The following TM6SF1 variants were observed in gnomAD, a reference collection of about 807,000 sequenced individuals.
TM6SF1 encodes transmembrane 6 superfamily member 1.
In TM6SF1, 43 loss-of-function variants were observed where a neutral mutation model predicts 47.1. The observed-to-expected ratio is 0.91, with a 90% CI of 0.72 to 1.18. TM6SF1 has a LOEUF of 1.18. TM6SF1 is among the 50% of genes most tolerant of loss of function. The probability of loss-of-function intolerance (pLI) is 0.00; values close to 1 mark genes in which losing one functional copy is unlikely to be tolerated. For missense variants in TM6SF1, 390 were observed against 449.0 expected (o/e 0.87, Z 1.19); for synonymous variants, 177 against 166.3 (o/e 1.06, Z -0.49).
At position 83,122,766 on chromosome 15, in the gene TM6SF1, G is replaced by A; in HGVS notation, c.491G>A (p.Gly164Glu). The A allele has an allele frequency of 6.2e-7, 1 of 1,613,792 alleles. No homozygotes were observed. The highest frequency in any genetic ancestry group is 8.5e-7 in the Non-Finnish European group (1 of 1,179,946). Residue 164 changes from glycine (G) to glutamate (E), a missense_variant, in exon 6 of 10, where the codon GGA (glycine) becomes GAA (glutamate). Physicochemically the swap from Gly to Glu is moderately conservative, Grantham distance 98. Coordinates refer to ENST00000322019, the MANE Select transcript of TM6SF1 (RefSeq NM_023003.5). ...FVPGNIVGKY[G>E]TRICPAFFLS... ...TCTCTCTTTTAAATAGGGAAGTATG[G>A]AACACGAATTTGCCCTGCTTTTTTC...
intron 1 of TM6SF1, among the ~76,000 whole-genome samples, chr15:83,111,285 C>T (rs985746753): frequency 6.6e-6 from 1 of 152,002 alleles, no homozygotes; most frequent in Admixed American, 6.6e-5. Context: ...ATCCATCATC[C>T]TCCATCATCC....
chr15:83,127,294 A>T, intron 8 of TM6SF1, 64 bp from the exon 9 acceptor site: 1 of 1,467,672 alleles, frequency 6.8e-7, no homozygotes, highest in Admixed American at 2.5e-5. Flanking sequence ...ACTTTTTTGT[A>T]CTTTTTAGTC....
chr15:83,115,122 CT>C (rs913490363), intron 2 of TM6SF1: 361 of 146,162 alleles, frequency 2.5e-3, no homozygotes, highest in Non-Finnish European at 3.1e-3. Context: ...AAGTCATTGT[CT>C]TTTTTTTTTT....
rs760311621 is a variant in TM6SF1, at chr15:83,126,774, C to A, written c.728C>A (p.Ser243Tyr). 12 of 1,613,370 alleles carry A rather than the reference C, an allele frequency of 7.4e-6. No homozygotes were observed. The highest frequency in any genetic ancestry group is 1.1e-5 in the South Asian group (1 of 90,968). ...FRGLIALDCP[S>Y]ELCRLYTQFQ... Reference sequence around the variant, plus strand: ...CCTTAGATTGCTTTGGATTGCCCATCTGAGCTCTGCCGATTATATACGCAA... The same window carrying A: ...CCTTAGATTGCTTTGGATTGCCCATATGAGCTCTGCCGATTATATACGCAA... The change falls in exon 8 of 10, where the codon TCT becomes TAT. Residue 243 changes from serine to tyrosine, a missense_variant. Ser to Tyr is a moderately radical substitution (Grantham distance 144, BLOSUM62 -2). Transcript: ENST00000322019.
chr15:83,107,756 C>T lies in TM6SF1; in HGVS notation c.76C>T (p.Leu26=). ...AIPVTYVFNH[L]AAQHDSWTIV... is the part of the protein sequence containing the mutation. ...CCCGGTCACCTATGTCTTCAACCAC[C>T]TGGCGGCCCAGCATGAGTGAGTGAG... is the stretch of plus-strand genomic sequence containing the variant. The change falls in exon 1 of 10, where the codon CTG becomes TTG. Residue 26 remains leucine, a synonymous_variant. Transcript: ENST00000322019. This position sits in a 1 kb window ranked among gnomAD's most constrained non-coding sequence, Gnocchi z 5.6. The T allele has an allele frequency of 1.3e-6, 2 of 1,583,286 alleles. No individual in the cohort carries two copies. The highest frequency in any genetic ancestry group is 2.4e-5 in the East Asian group (1 of 41,026).
At chr15:83,121,792 C>G in intron 4 of TM6SF1, 129 bp from the exon 5 acceptor site, 1 of 692,652 alleles carries the variant, frequency 1.4e-6, no homozygotes. Flanking sequence ...ATTTATTCCT[C>G]TCAATTCAAT....
At chr15:83,136,454 T>C in intron 9 of TM6SF1, 27 bp from the exon 10 acceptor site, 1 of 1,557,856 alleles carries the variant, frequency 6.4e-7, no homozygotes, top group Non-Finnish European at 8.6e-7. Context: ...TCATGCTTAC[T>C]CAATTTTTTT....
In TM6SF1 at chr15:83,112,807, A is replaced by G. The variant is rs761410387; in HGVS notation, c.103A>G (p.Ile35Val). The change falls in exon 2 of 10, where the codon ATT becomes GTT. Residue 35 changes from isoleucine to valine, a missense_variant. Coordinates refer to ENST00000322019, the MANE Select transcript of TM6SF1 (RefSeq NM_023003.5). Reference protein sequence around the residue: ...HLAAQHDSWTIVGVAALILFL... With the variant: ...HLAAQHDSWTVVGVAALILFL... ...TTCTGGTCGTTGCAGTTCCTGGACT[A>G]TTGTAGGGGTTGCTGCCCTCATCCT... is the stretch of plus-strand genomic sequence containing the variant. The G allele has an allele frequency of 6.2e-7, 1 of 1,613,832 alleles. No individual in the cohort carries two copies. Among genetic ancestry groups the G allele is most frequent in the South Asian group, 1.1e-5 (1 of 91,076 alleles).
chr15:83,117,584 G>T (rs1017175501), intron 3 of TM6SF1, among the ~76,000 whole-genome samples: 3 of 152,114 alleles, frequency 2.0e-5, no homozygotes, highest in African/African-American at 7.2e-5. Flanking sequence ...TAGGAAGGAG[G>T]CGGCTGACGA....
At chr15:83,110,626 C>T (rs190673310) in intron 1 of TM6SF1, among the ~76,000 whole-genome samples, 4 of 152,320 alleles carry the variant, frequency 2.6e-5, no homozygotes, top group East Asian at 3.9e-4. Context: ...TGACCACCAC[C>T]TGCCTCAGGC....
In TM6SF1 at chr15:83,119,584, C is replaced by A; in HGVS notation, c.301C>A (p.Pro101Thr). 6.2e-7 allele frequency: 1 copy of A among 1,614,044 alleles called. No individual in the cohort carries two copies. The highest frequency in any genetic ancestry group is 8.5e-7 in the Non-Finnish European group (1 of 1,179,956). ...TTTTTAATGCTTTCTTTAGGGTGAACCGTATCTGAACACCGCATATGGGCA... is the reference window on the plus strand; with the variant it reads ...TTTTTAATGCTTTCTTTAGGGTGAAACGTATCTGAACACCGCATATGGGCA... ...FMTHYLREGE[P>T]YLNTAYGHMI... The change falls in exon 4 of 10, where the codon CCG (proline) becomes ACG (threonine). Residue 101 changes from proline (P) to threonine (T), a missense_variant. Pro to Thr is a conservative substitution (Grantham distance 38). Transcript: ENST00000322019.
chr15:83,133,415 C>T (rs1032324936), intron 9 of TM6SF1: 8 of 152,118 alleles, frequency 5.3e-5, no homozygotes, highest in Non-Finnish European at 1.2e-4. Context: ...TGTAAGAAAA[C>T]AGCTCTTAAA....
rs1211479461 is a variant in TM6SF1, at chr15:83,115,956, T to C, written c.294+14T>C. On this transcript the variant is annotated intron_variant, in intron 3 of 9. Transcript: ENST00000322019. ...TACTTGAGAGAGGTATGGGATCACT[T>C]AGTGATTATGAGGTTTCAACCAAAA... The C allele has an allele frequency of 2.6e-5, 41 of 1,598,792 alleles. No homozygotes were observed. The highest frequency in any genetic ancestry group is 3.4e-5 in the Non-Finnish European group (40 of 1,166,082).
In TM6SF1 at chr15:83,115,850, G is replaced by A; in HGVS notation, c.202G>A (p.Ala68Thr). ...PPRDPLFYVY[A>T]VFGFTSVVNL... is the part of the protein sequence containing the mutation. The stretch of plus-strand genomic sequence containing the variant: ...TGCTGCTTTCTTTGCTCTAGTGTAT[G>A]CAGTTTTTGGATTTACCAGCGTGGT... Residue 68 changes from alanine (A) to threonine (T), a missense_variant, in exon 3 of 10, where the codon GCA (alanine) becomes ACA (threonine). Ala to Thr is a moderately conservative substitution (Grantham distance 58). Transcript: ENST00000322019. 1.2e-6 allele frequency: 2 copies of A among 1,612,992 alleles called. No homozygotes were observed. The highest frequency in any genetic ancestry group is 1.1e-5 in the South Asian group (1 of 91,044).
intron 4 of TM6SF1, among the ~76,000 whole-genome samples, chr15:83,121,436 T>C (rs2035234385): frequency 6.6e-6 from 1 of 152,160 alleles, no homozygotes; most frequent in Non-Finnish European, 1.5e-5. Flanking sequence ...AGCAGCTCCT[T>C]TGCAACATGG....
intron 3 of TM6SF1, among the ~76,000 whole-genome samples, chr15:83,117,808 G>A (rs1183284266): frequency 6.6e-6 from 1 of 152,088 alleles, no homozygotes; most frequent in East Asian, 1.9e-4. Context: ...GCCAGGCCTT[G>A]AGAATCTTTA....
In TM6SF1 at chr15:83,127,338, T is replaced by G; in HGVS notation, c.802-20T>G. On this transcript the variant is annotated intron_variant, in intron 8 of 9. Coordinates refer to ENST00000322019, the MANE Select transcript of TM6SF1 (RefSeq NM_023003.5). ...TTAACTGCCAATTTGCTGATGATGT[T>G]ATTTCTCTGTTCAATACAGATGCTG... is the stretch of plus-strand genomic sequence containing the variant. The G allele has an allele frequency of 6.4e-7, 1 of 1,570,976 alleles. No homozygotes were observed. The highest frequency in any genetic ancestry group is 1.2e-5 in the South Asian group (1 of 83,218).
intron 1 of TM6SF1, 84 bp from the exon 2 acceptor site, chr15:83,112,713 G>T: frequency 1.1e-6 from 1 of 935,404 alleles, no homozygotes; most frequent in Non-Finnish European, 1.8e-6. Context: ...AGCACTAGGA[G>T]GGAATGCATT....
In TM6SF1 at chr15:83,122,754, T is replaced by C. The variant is rs770284156; in HGVS notation, c.482-3T>C. 5.6e-6 allele frequency: 9 copies of C among 1,612,918 alleles called. No homozygotes were observed. The highest frequency in any genetic ancestry group is 1.3e-5 in the African/African-American group (1 of 74,872). On this transcript the variant is annotated splice_polypyrimidine_tract_variant and splice_region_variant and intron_variant, in intron 5 of 9. Transcript: ENST00000322019. ...CTTCTTTCTCTTTCTCTCTTTTAAA[T>C]AGGGAAGTATGGAACACGAATTTGC...
Sources: gnomAD v4.1 joint callset for allele counts (sites outside exome capture counted in the v4.1 genomes callset) on GRCh38, gnomAD v4.1.1 for gene constraint, Gnocchi (gnomAD v3.1) non-coding constraint, MANE v1.5 for transcripts, NCBI Gene and HGNC (gene_info 2026-07-23, HGNC 2026-07-21) for gene names.